EDN1: variants seen among roughly 807,000 people sequenced by gnomAD.
EDN1 encodes endothelin-1.
In EDN1, 11 loss-of-function variants were observed where a neutral mutation model predicts 21.7. That is an observed-to-expected ratio of 0.51 (90% CI 0.32 to 0.84). The LOEUF (loss-of-function observed/expected upper bound fraction) is 0.84, where lower values mean the gene tolerates loss of function less well. EDN1 is among the 40% of genes least tolerant of loss of function. EDN1 has a pLI of 0.03. For missense variants in EDN1, 244 were observed against 262.3 expected (o/e 0.93, Z 0.48); for synonymous variants, 85 against 90.6 (o/e 0.94, Z 0.35).
chr6:12,249,174 T>C, the EDN1 span, among the ~76,000 whole-genome samples: 3 of 152,214 alleles, frequency 2.0e-5, no homozygotes, highest in Non-Finnish European at 4.4e-5. Context: ...CTCATATCAA[T>C]GCTGCTGGTC....
At chr6:12,245,728 G>A in the EDN1 span, among the ~76,000 whole-genome samples, 1 of 152,186 alleles carries the variant, frequency 6.6e-6, no homozygotes, top group Non-Finnish European at 1.5e-5. Flanking sequence ...GAACCAGATA[G>A]TAAACTTGGC....
At chr6:12,288,212 C>T (rs1236232063), upstream of EDN1, among the ~76,000 whole-genome samples, 3 of 150,722 alleles carry the variant, frequency 2.0e-5, no homozygotes, top group South Asian at 6.3e-4. Flanking sequence ...TGACTGTTGT[C>T]AGTGTTTGGT....
the EDN1 span, among the ~76,000 whole-genome samples, chr6:12,280,489 C>G: frequency 1.3e-5 from 2 of 152,194 alleles, no homozygotes; most frequent in African/African-American, 2.4e-5. Flanking sequence ...ATTAGAAAAT[C>G]AACAGTCTTC....
the EDN1 span, among the ~76,000 whole-genome samples, chr6:12,270,654 G>C: frequency 1.3e-5 from 2 of 152,114 alleles, no homozygotes; most frequent in Middle Eastern, 3.4e-3. Flanking sequence ...ACATAATTTT[G>C]ATTTAAAAAT....
the EDN1 span, among the ~76,000 whole-genome samples, chr6:12,278,726 G>A: frequency 2.6e-5 from 4 of 151,962 alleles, no homozygotes; most frequent in African/African-American, 7.3e-5. Flanking sequence ...GTGAAACCCC[G>A]TCTGAACTAA....
chr6:12,276,952 C>CT, the EDN1 span, among the ~76,000 whole-genome samples: 393 of 152,196 alleles, frequency 2.6e-3, 4 homozygotes, highest in African/African-American at 9.2e-3. Context: ...TTTTTGTTTG[C>CT]TTTTTTTGGA....
At chr6:12,270,944 T>G in the EDN1 span, among the ~76,000 whole-genome samples, 1 of 152,172 alleles carries the variant, frequency 6.6e-6, no homozygotes, top group Non-Finnish European at 1.5e-5. Flanking sequence ...CTTTACGCAT[T>G]TGGGTGCTCA....
the EDN1 span, among the ~76,000 whole-genome samples, chr6:12,231,822 A>G: frequency 1.3e-5 from 2 of 152,044 alleles, no homozygotes; most frequent in African/African-American, 2.4e-5. Context: ...CATCTCTTGT[A>G]TAAATTTAAT....
intron 4 of EDN1, 135 bp downstream of exon 4, chr6:12,294,539 A>T: frequency 2.1e-6 from 2 of 967,948 alleles, no homozygotes; most frequent in Non-Finnish European, 3.2e-6. Flanking sequence ...AGCAGAGGAG[A>T]TCTATGCATC....
chr6:12,292,270 C>T, intron 1 of EDN1, 71 bp from the exon 2 acceptor site: 1 of 1,596,280 alleles, frequency 6.3e-7, no homozygotes, highest in Admixed American at 1.7e-5. Context: ...AGCTCTGACT[C>T]TACTGTGATC....
At chr6:12,264,938 G>A in the EDN1 span, among the ~76,000 whole-genome samples, 1 of 151,974 alleles carries the variant, frequency 6.6e-6, no homozygotes, top group Non-Finnish European at 1.5e-5. Flanking sequence ...TCTTAATTGG[G>A]GATTTCTTTT....
chr6:12,287,648 T>TTC (rs550775165), upstream of EDN1, among the ~76,000 whole-genome samples: 10 of 129,678 alleles, frequency 7.7e-5, no homozygotes, highest in African/African-American at 2.9e-4. Flanking sequence ...GACACGGAAA[T>TTC]TCTCTCTCTC....
chr6:12,236,218 A>G, the EDN1 span, among the ~76,000 whole-genome samples: 1 of 152,236 alleles, frequency 6.6e-6, no homozygotes, highest in Admixed American at 6.5e-5. Flanking sequence ...TTTCCATTCA[A>G]TAATAGAATA....
chr6:12,276,312 T>A, the EDN1 span, among the ~76,000 whole-genome samples: 1 of 152,164 alleles, frequency 6.6e-6, no homozygotes, highest in Non-Finnish European at 1.5e-5. Flanking sequence ...AGGAACGATG[T>A]GACTGTTAGT....
At chr6:12,270,293 CTTA>C in the EDN1 span, among the ~76,000 whole-genome samples, 1 of 151,326 alleles carries the variant, frequency 6.6e-6, no homozygotes, top group Non-Finnish European at 1.5e-5. Flanking sequence ...TGCTCTGATC[CTTA>C]TTATTTATTC....
the EDN1 span, among the ~76,000 whole-genome samples, chr6:12,279,298 G>C: frequency 6.6e-6 from 1 of 152,134 alleles, no homozygotes; most frequent in African/African-American, 2.4e-5. Flanking sequence ...GCAGAGAGGG[G>C]AGGTATGTCC....
At chr6:12,273,315 G>C in the EDN1 span, among the ~76,000 whole-genome samples, 1 of 152,184 alleles carries the variant, frequency 6.6e-6, no homozygotes, top group Non-Finnish European at 1.5e-5. Context: ...ACCGCAGGTA[G>C]GTATTATGGC....
the EDN1 span, among the ~76,000 whole-genome samples, chr6:12,262,763 T>C: frequency 6.6e-6 from 1 of 151,668 alleles, no homozygotes; most frequent in Non-Finnish European, 1.5e-5. Context: ...TCCCAGTTAC[T>C]TGGGAGGCTG....
At chr6:12,245,779 G>T in the EDN1 span, among the ~76,000 whole-genome samples, 1 of 152,180 alleles carries the variant, frequency 6.6e-6, no homozygotes, top group Non-Finnish European at 1.5e-5. Context: ...GAGTGAGTGG[G>T]GTGATTATTT....
Sources: gnomAD v4.1 joint callset for allele counts (sites outside exome capture counted in the v4.1 genomes callset) on GRCh38, gnomAD v4.1.1 for gene constraint, MANE v1.5 for transcripts, NCBI Gene and HGNC (gene_info 2026-07-23, HGNC 2026-07-21) for gene names.